The following NAALADL2 variants were observed in gnomAD, a reference collection of about 807,000 sequenced individuals.
The protein encoded by NAALADL2 is N-acetylated alpha-linked acidic dipeptidase like 2.
A neutral mutation model predicts 87.2 loss-of-function variants in NAALADL2; 76 were observed. The observed-to-expected ratio is 0.87, with a 90% confidence interval of 0.72 to 1.05. NAALADL2 has a LOEUF of 1.05. Ranked by LOEUF, NAALADL2 falls within the 50% of genes least tolerant of loss-of-function variation. The pLI is 0.00. For missense variants in NAALADL2, 1,089 were observed against 945.8 expected, an observed-to-expected ratio of 1.15 and a Z score of -1.99; for synonymous variants, 354 against 331.0, an observed-to-expected ratio of 1.07 and a Z score of -0.75.
At chr3:174,916,631 A>T (rs1450812551) in intron 1 of NAALADL2, among the ~76,000 whole-genome samples, 3 of 151,802 alleles carry the variant, frequency 2.0e-5, no homozygotes, top group Non-Finnish European at 2.9e-5. Context: ...ACCAAATATT[A>T]TATGTCCTCA....
intron 2 of NAALADL2, among the ~76,000 whole-genome samples, chr3:174,736,737 C>T (rs931775762): frequency 6.6e-6 from 1 of 152,162 alleles, no homozygotes; most frequent in Non-Finnish European, 1.5e-5. Context: ...GGCTTCAGGC[C>T]ATCCTGGCTT....
chr3:175,639,521 A>C (rs548564562), intron 11 of NAALADL2, among the ~76,000 whole-genome samples: 13 of 151,622 alleles, frequency 8.6e-5, no homozygotes, highest in Non-Finnish European at 1.3e-4. Flanking sequence ...GGGGTTTCAC[A>C]GTGTTAGCCA....
At chr3:174,675,492 T>A (rs554208958) in intron 2 of NAALADL2, among the ~76,000 whole-genome samples, 9 of 152,206 alleles carry the variant, frequency 5.9e-5, no homozygotes, top group Admixed American at 5.9e-4. Flanking sequence ...TAGGCTTTGC[T>A]GCAGTAATTG....
chr3:175,081,604 A>G (rs1369903269), intron 1 of NAALADL2, among the ~76,000 whole-genome samples: 1 of 152,124 alleles, frequency 6.6e-6, no homozygotes, highest in African/African-American at 2.4e-5. Context: ...GAGGGAGATC[A>G]CTTCACTGAC....
At chr3:174,630,060 A>G (rs138454930) in intron 2 of NAALADL2, among the ~76,000 whole-genome samples, 17 of 152,314 alleles carry the variant, frequency 1.1e-4, no homozygotes, top group East Asian at 7.7e-4. Context: ...TATCTTTCCC[A>G]TAGTATAAAT....
chr3:175,654,106 C>T (rs1020216907), intron 11 of NAALADL2, among the ~76,000 whole-genome samples: 1 of 152,136 alleles, frequency 6.6e-6, no homozygotes, highest in African/African-American at 2.4e-5. Context: ...TAGGGGTTAG[C>T]GGCTTTATTG....
intron 11 of NAALADL2, among the ~76,000 whole-genome samples, chr3:175,715,465 A>G (rs962959884): frequency 6.6e-6 from 1 of 152,186 alleles, no homozygotes; most frequent in Admixed American, 6.5e-5. Context: ...TATTTTTTGC[A>G]TAGACATTGT....
intron 5 of NAALADL2, among the ~76,000 whole-genome samples, chr3:175,340,970 A>T (rs1762509310): frequency 6.6e-6 from 1 of 151,838 alleles, no homozygotes; most frequent in South Asian, 2.1e-4. Context: ...TAGAAAATCC[A>T]TTTCCAAGAA....
intron 3 of NAALADL2, among the ~76,000 whole-genome samples, chr3:174,836,997 A>G (rs533956741): frequency 4.0e-4 from 61 of 152,282 alleles, no homozygotes; most frequent in African/African-American, 1.4e-3. Flanking sequence ...CATACAGCAA[A>G]GGTGGTGCTA....
chr3:175,201,738 T>A (rs964236136), intron 2 of NAALADL2, among the ~76,000 whole-genome samples: 9 of 151,684 alleles, frequency 5.9e-5, no homozygotes, highest in African/African-American at 1.7e-4. Context: ...CTTTCTCACT[T>A]AAGTATCATT....
Position 175,133,687 on chromosome 3 carries a change from G to A in NAALADL2, c.545+36396G>A, listed in dbSNP as rs570742178. 8.5e-5 allele frequency among the ~76,000 whole-genome samples: 13 copies of A among 152,264 alleles called. No individual in the cohort carries two copies. In the South Asian group the frequency reaches 1.0e-3, roughly 12 times the overall value. ...GATGGCAGCAGTACAGTCCAGCTTC[G>A]GCTTGGCATCAGAGGGAGACCGTGG... On this transcript the variant is annotated intron_variant, in intron 2 of 13. Coordinates refer to ENST00000454872, the MANE Select transcript of NAALADL2 (RefSeq NM_207015.3).
At chr3:175,448,523 G>C (rs960321577) in intron 6 of NAALADL2, among the ~76,000 whole-genome samples, 4 of 152,110 alleles carry the variant, frequency 2.6e-5, no homozygotes, top group Non-Finnish European at 5.9e-5. Context: ...TCCAGCCACT[G>C]TCCTGCCCTC....
rs556733802 is a variant in NAALADL2, at chr3:174,713,488, C to T, written c.-114-24153C>T. On this transcript the variant is annotated intron_variant, in intron 2 of 3. Coordinates refer to the NAALADL2 transcript ENST00000434257. ...CTGTTGTTTCCTGACTTTTTAATGACTGCCATTCTAACTGGTGTGAGATGA... is the reference window on the plus strand; with the variant it reads ...CTGTTGTTTCCTGACTTTTTAATGATTGCCATTCTAACTGGTGTGAGATGA... 5.7e-3 allele frequency among the ~76,000 whole-genome samples: 863 copies of T among 152,224 alleles called. 8 individuals are homozygous for T. The highest frequency in any genetic ancestry group is 0.02 in the African/African-American group (832 of 41,532).
intron 2 of NAALADL2, among the ~76,000 whole-genome samples, chr3:175,173,453 C>G (rs1212839510): frequency 6.6e-6 from 1 of 152,026 alleles, no homozygotes; most frequent in Non-Finnish European, 1.5e-5. Flanking sequence ...AGTGAGCCAA[C>G]GTCGTGCCAC....
At chr3:174,794,957 T>A (rs1033640409) in intron 3 of NAALADL2, among the ~76,000 whole-genome samples, 1 of 144,908 alleles carries the variant, frequency 6.9e-6, no homozygotes, top group Non-Finnish European at 1.5e-5. Flanking sequence ...GTGTTTAATT[T>A]AAAAGTTGAA....
intron 2 of NAALADL2, among the ~76,000 whole-genome samples, chr3:174,556,615 T>G (rs1334917973): frequency 6.6e-6 from 1 of 152,210 alleles, no homozygotes; most frequent in African/African-American, 2.4e-5. Flanking sequence ...CTTATAGAAT[T>G]GTGTATTATT....
rs536615971 is a variant in NAALADL2, at chr3:175,131,618, C to T, written c.545+34327C>T. 8.7e-4 allele frequency among the ~76,000 whole-genome samples: 133 copies of T among 152,318 alleles called. 1 individual carries two copies. Among genetic ancestry groups the T allele is most frequent in the African/African-American group, 2.7e-3 (114 of 41,582 alleles). ...TTCCCCGCTTTCTATTCCACAAAAC[C>T]GCCATTGTCATCCTGGCCCGTTCTC... On this transcript the variant is annotated intron_variant, in intron 2 of 13. Coordinates refer to ENST00000454872, the MANE Select transcript of NAALADL2 (RefSeq NM_207015.3).
At chr3:174,770,064 C>T (rs1714340310) in intron 3 of NAALADL2, among the ~76,000 whole-genome samples, 1 of 152,098 alleles carries the variant, frequency 6.6e-6, no homozygotes, top group Admixed American at 6.6e-5. Flanking sequence ...AAGAAGTAAT[C>T]TGTTATGTCA....
chr3:175,382,741 C>T (rs557542214), intron 5 of NAALADL2, among the ~76,000 whole-genome samples: 15 of 151,524 alleles, frequency 9.9e-5, no homozygotes, highest in Middle Eastern at 3.4e-3. Context: ...ATTATCTGTC[C>T]TTTGTATTAT....
Sources: allele counts gnomAD v4.1 joint callset (sites outside exome capture counted in the v4.1 genomes callset), GRCh38; gene constraint gnomAD v4.1.1; transcripts MANE v1.5; gene names NCBI Gene and HGNC (gene_info 2026-07-23, HGNC 2026-07-21).